TMEM132B: variants seen among roughly 807,000 people sequenced by gnomAD.
The protein encoded by TMEM132B is transmembrane protein 132B.
Under a neutral mutation model 90.8 loss-of-function variants are expected in TMEM132B, and 18 were observed. The ratio of observed to expected loss-of-function variants is 0.20; its 90% CI spans 0.14 to 0.29. The LOEUF (loss-of-function observed/expected upper bound fraction) is 0.29. Ranked by LOEUF, TMEM132B falls within the 10% of genes least tolerant of loss-of-function variation. The pLI, the probability that TMEM132B is intolerant of heterozygous loss-of-function variation, is 1.00. For missense variants in TMEM132B, 1,096 were observed against 1,326.8 expected (o/e 0.83, Z 2.70); for synonymous variants, 504 against 523.3 (o/e 0.96, Z 0.50).
chr12:125,525,456 G>A (rs1036649838), intron 4 of TMEM132B, among the ~76,000 whole-genome samples: 5 of 152,186 alleles, frequency 3.3e-5, no homozygotes, highest in East Asian at 1.9e-4. Context: ...TGTCCCTTCC[G>A]CCATGCGAGG....
chr12:125,214,190 G>T (rs947267502), intron 1 of TMEM132B, among the ~76,000 whole-genome samples: 2 of 152,242 alleles, frequency 1.3e-5, no homozygotes, highest in Non-Finnish European at 1.5e-5. Context: ...ATAGCTGAAA[G>T]AAAACATCTT....
chr12:125,358,280 T>C (rs1204383729), intron 2 of TMEM132B, among the ~76,000 whole-genome samples: 10 of 151,672 alleles, frequency 6.6e-5, no homozygotes, highest in African/African-American at 2.4e-4. Context: ...TTTAGCTTTT[T>C]ATTTTGGAAT....
intron 2 of TMEM132B, among the ~76,000 whole-genome samples, chr12:125,361,701 C>G (rs1877964070): frequency 2.6e-5 from 4 of 152,150 alleles, no homozygotes; most frequent in Non-Finnish European, 5.9e-5. Flanking sequence ...GACACTAGTT[C>G]CAAATGTTAT....
chr12:125,525,723 C>T (rs545508040), intron 4 of TMEM132B, among the ~76,000 whole-genome samples: 187 of 152,308 alleles, frequency 1.2e-3, no homozygotes, highest in Non-Finnish European at 2.2e-3. Flanking sequence ...TCTTAGCCAA[C>T]GGCCACTCCT....
chr12:125,648,193 G>A (rs1002438190), intron 6 of TMEM132B, among the ~76,000 whole-genome samples: 12 of 151,730 alleles, frequency 7.9e-5, no homozygotes, highest in African/African-American at 2.7e-4. Context: ...TGAGAATGAT[G>A]GTTTCCAATT....
chr12:125,258,884 C>T (rs1255095488), intron 1 of TMEM132B, among the ~76,000 whole-genome samples: 1 of 152,174 alleles, frequency 6.6e-6, no homozygotes, highest in Admixed American at 6.5e-5. Flanking sequence ...AATCTGAATA[C>T]TGAATGCGGA....
chr12:125,580,779 C>T (rs1314412064), intron 4 of TMEM132B, among the ~76,000 whole-genome samples: 2 of 152,154 alleles, frequency 1.3e-5, no homozygotes, highest in African/African-American at 4.8e-5. Context: ...ATCACCCTAA[C>T]GTGCAACATT....
intron 1 of TMEM132B, among the ~76,000 whole-genome samples, chr12:125,292,824 T>A (rs891437716): frequency 3.3e-5 from 5 of 152,202 alleles, no homozygotes; most frequent in Non-Finnish European, 7.3e-5. Context: ...TTTCCTTGGA[T>A]CATGTACCTG....
At chr12:125,634,749 G>C (rs1886442941) in intron 5 of TMEM132B, among the ~76,000 whole-genome samples, 1 of 152,192 alleles carries the variant, frequency 6.6e-6, no homozygotes, top group Admixed American at 6.5e-5. Flanking sequence ...GGAGGCCTCA[G>C]GACTCTGATC....
intron 4 of TMEM132B, among the ~76,000 whole-genome samples, chr12:125,546,588 C>A (rs1196168379): frequency 2.6e-5 from 4 of 152,148 alleles, no homozygotes; most frequent in Non-Finnish European, 5.9e-5. Context: ...CTTAACGATG[C>A]TTTTGAAATT....
At position 125,349,572 on chromosome 12, in the gene TMEM132B, A is replaced by G. The variant is rs1453562030; in HGVS notation, c.188A>G (p.Gln63Arg). The change falls in exon 2 of 9, where the codon CAA becomes CGA. Residue 63 changes from glutamine (Q) to arginine (R), a missense_variant. Transcript: ENST00000682704. This position sits in a 1 kb window ranked among gnomAD's most constrained non-coding sequence, Gnocchi z 4.1. ...EESFFLKEAN[Q>R]DLTRNSSLQA... is the part of the protein sequence containing the mutation. ...TCCTTTTTCCTTAAAGAAGCCAACC[A>G]AGACCTCACAAGGAACTCCAGTCTG... 1 of 1,614,130 alleles carries G rather than the reference A, an allele frequency of 6.2e-7. No individual in the cohort carries two copies. Among genetic ancestry groups the G allele is most frequent in the East Asian group, 2.2e-5 (1 of 44,874 alleles).
intron 5 of TMEM132B, chr12:125,622,729 C>T: frequency 1.1e-6 from 1 of 909,892 alleles, no homozygotes; most frequent in Non-Finnish European, 1.3e-6. Context: ...TTTTTCTGCT[C>T]TCATTCTGGA....
intron 1 of TMEM132B, among the ~76,000 whole-genome samples, chr12:125,238,382 AAAAAC>A (rs1873988312): frequency 1.4e-5 from 2 of 146,812 alleles, no homozygotes; most frequent in South Asian, 2.2e-4. Context: ...AAAAACAAAA[AAAAAC>A]CAAAAAAACA....
intron 3 of TMEM132B, among the ~76,000 whole-genome samples, chr12:125,416,636 T>C (rs188781361): frequency 6.6e-6 from 1 of 152,364 alleles, no homozygotes; most frequent in East Asian, 1.9e-4. Flanking sequence ...TCTTCTTGGG[T>C]GACCCCAGCC....
intron 4 of TMEM132B, among the ~76,000 whole-genome samples, chr12:125,541,352 G>A (rs1883951798): frequency 6.6e-6 from 1 of 152,152 alleles, no homozygotes; most frequent in Non-Finnish European, 1.5e-5. Flanking sequence ...TGGCACCCCT[G>A]ATTCTGTCTG....
chr12:125,210,177 G>A (rs1306693932), intron 1 of TMEM132B, among the ~76,000 whole-genome samples: 1 of 152,162 alleles, frequency 6.6e-6, no homozygotes, highest in Non-Finnish European at 1.5e-5. Context: ...TTGGGTGTGG[G>A]GTAGGGAGAT....
chr12:125,606,976 C>T (rs957971442), intron 5 of TMEM132B, among the ~76,000 whole-genome samples: 1 of 152,152 alleles, frequency 6.6e-6, no homozygotes, highest in Admixed American at 6.5e-5. Flanking sequence ...TAAAGGCCCA[C>T]CCAGTCAGCT....
chr12:125,659,412 C>T lies in TMEM132B; in HGVS notation c.*4702C>T, dbSNP rs539094820. The T allele has an allele frequency of 6.6e-6, 1 of 152,410 alleles. No individual in the cohort carries two copies. Among genetic ancestry groups the T allele is most frequent in the South Asian group, 2.1e-4 (1 of 4,820 alleles). 9.4% of individuals were successfully genotyped at this position (152,410 alleles called of 1,614,324 possible). A position where few individuals can be genotyped will look rare whatever the true frequency, so the allele number is the denominator to read the frequency against. ...GGTCTTTGCTCGTCAATGGCTTGGT[C>T]TTGTATATGTATCTGGGGCAGGGGC... On this transcript the variant is annotated 3_prime_UTR_variant, in exon 9 of 9. Coordinates refer to ENST00000682704, the MANE Select transcript of TMEM132B (RefSeq NM_001366854.1).
chr12:125,448,826 C>T (rs1024470283), intron 3 of TMEM132B, among the ~76,000 whole-genome samples: 8 of 152,228 alleles, frequency 5.3e-5, no homozygotes, highest in Admixed American at 2.6e-4. Flanking sequence ...TCATTCTTGT[C>T]AACATTTGAT....
Sources: allele counts gnomAD v4.1 joint callset (sites outside exome capture counted in the v4.1 genomes callset), GRCh38; gene constraint gnomAD v4.1.1; non-coding constraint Gnocchi (gnomAD v3.1); transcripts MANE v1.5; gene names NCBI Gene and HGNC (gene_info 2026-07-23, HGNC 2026-07-21).